The following OTOA variants were observed in gnomAD, a reference collection of about 807,000 sequenced individuals.
OTOA encodes the protein cancer/testis antigen 108.
A neutral mutation model predicts 110.8 loss-of-function variants in OTOA; 70 were observed. The ratio of observed to expected loss-of-function variants is 0.63; its 90% confidence interval spans 0.52 to 0.77. The LOEUF (loss-of-function observed/expected upper bound fraction) is 0.77. Among genes scored for constraint, OTOA ranks in the 30% least tolerant of loss-of-function variants. The pLI, the probability that OTOA is intolerant of heterozygous loss-of-function variation, is 0.00. For missense variants in OTOA, 917 were observed against 1,075.8 expected, an observed-to-expected ratio of 0.85 and a Z score of 2.06; for synonymous variants, 373 against 431.5, an observed-to-expected ratio of 0.86 and a Z score of 1.68.
intron 18 of OTOA, 62 bp from the exon 19 acceptor site, chr16:21,726,461 A>C: frequency 1.2e-6 from 2 of 1,608,002 alleles, no homozygotes; most frequent in Non-Finnish European, 1.7e-6. Context: ...GCGGACCCTG[A>C]TTTTAGGGGC....
chr16:21,723,592 T>C (rs775578917), intron 18 of OTOA, among the ~76,000 whole-genome samples: 2 of 152,206 alleles, frequency 1.3e-5, no homozygotes, highest in Non-Finnish European at 2.9e-5. Context: ...TGAAGCCAAT[T>C]ATATCAGGTT....
At chr16:21,710,725 G>A (rs957233620) in intron 13 of OTOA, among the ~76,000 whole-genome samples, 7 of 152,016 alleles carry the variant, frequency 4.6e-5, no homozygotes, top group African/African-American at 1.7e-4. Context: ...ACTTACTGCC[G>A]GGCAAGGTGG....
chr16:21,714,403 TTCTTTC>T (rs879384527), intron 13 of OTOA, among the ~76,000 whole-genome samples: 127 of 148,468 alleles, frequency 8.6e-4, no homozygotes, highest in Non-Finnish European at 1.6e-3. Flanking sequence ...TTCTTTCTCT[TTCTTTC>T]TCTTTCTTTC....
At chr16:21,707,947 C>T (rs1240116378) in intron 12 of OTOA, among the ~76,000 whole-genome samples, 1 of 151,728 alleles carries the variant, frequency 6.6e-6, no homozygotes, top group East Asian at 2.0e-4. Context: ...GTGCACGCCA[C>T]CACGCCCAGC....
intron 28 of OTOA, among the ~76,000 whole-genome samples, chr16:21,758,010 T>C (rs149103930): frequency 4.0e-4 from 61 of 152,184 alleles, no homozygotes; most frequent in Non-Finnish European, 6.8e-4. Context: ...GTGACCAAGA[T>C]AGATAAGGCC....
At chr16:21,664,955 C>G (rs1343122260) in intron 1 of OTOA, among the ~76,000 whole-genome samples, 1 of 151,392 alleles carries the variant, frequency 6.6e-6, no homozygotes, top group African/African-American at 2.4e-5. Context: ...CTGGGCGACA[C>G]AGGGAGACTC....
intron 10 of OTOA, among the ~76,000 whole-genome samples, chr16:21,700,130 A>G (rs1279262438): frequency 1.3e-5 from 2 of 152,066 alleles, no homozygotes; most frequent in Non-Finnish European, 2.9e-5. Flanking sequence ...TCTGAATAGT[A>G]TATTTAATAA....
At chr16:21,714,300 T>C (rs8056780) in intron 13 of OTOA, among the ~76,000 whole-genome samples, 36 of 100,400 alleles carry the variant, frequency 3.6e-4, no homozygotes, top group Admixed American at 8.7e-4. Flanking sequence ...TCTTTTCCTT[T>C]CTTCCTTCCT....
chr16:21,731,518 C>T (rs1325963915), intron 21 of OTOA, among the ~76,000 whole-genome samples: 1 of 152,200 alleles, frequency 6.6e-6, no homozygotes, highest in Non-Finnish European at 1.5e-5. Context: ...TGGGGCAGCC[C>T]TGCTCTAGAA....
chr16:21,715,497 A>G (rs1813769805), intron 14 of OTOA, among the ~76,000 whole-genome samples: 1 of 140,550 alleles, frequency 7.1e-6, no homozygotes, highest in African/African-American at 2.7e-5. Context: ...GTACAGTGGT[A>G]TGATCATAGC....
At chr16:21,714,590 C>G (rs1315268253) in intron 13 of OTOA, among the ~76,000 whole-genome samples, 1 of 151,780 alleles carries the variant, frequency 6.6e-6, no homozygotes, top group Non-Finnish European at 1.5e-5. Flanking sequence ...CAGCTCACTG[C>G]AACCTCTGCC....
chr16:21,696,386 G>C (rs1018045947), intron 9 of OTOA, among the ~76,000 whole-genome samples: 1 of 152,062 alleles, frequency 6.6e-6, no homozygotes, highest in African/African-American at 2.4e-5. Context: ...TGCAGAAGGG[G>C]TAAGGAAAAG....
At chr16:21,670,204 C>G (rs1487423305) in intron 1 of OTOA, among the ~76,000 whole-genome samples, 2 of 151,724 alleles carry the variant, frequency 1.3e-5, no homozygotes, top group African/African-American at 4.8e-5. Flanking sequence ...CCACCTCCCT[C>G]CAAGTAAAAG....
chr16:21,707,572 C>T (rs977122823), intron 12 of OTOA, among the ~76,000 whole-genome samples: 2 of 148,180 alleles, frequency 1.3e-5, no homozygotes, highest in Non-Finnish European at 3.0e-5. Context: ...CTCCCTCCCT[C>T]CCTACCTTCC....
intron 1 of OTOA, among the ~76,000 whole-genome samples, chr16:21,664,518 A>G (rs1327416968): frequency 6.6e-6 from 1 of 152,192 alleles, no homozygotes; most frequent in Admixed American, 6.5e-5. Context: ...TAACTATCAC[A>G]ATGATTATTT....
At chr16:21,688,869 G>A (rs1048356220) in intron 8 of OTOA, among the ~76,000 whole-genome samples, 3 of 152,130 alleles carry the variant, frequency 2.0e-5, no homozygotes, top group Admixed American at 2.0e-4. Context: ...ACAGCACAAA[G>A]GCTCTGAGCC....
chr16:21,695,667 G>A (rs1897916867), intron 9 of OTOA, among the ~76,000 whole-genome samples: 1 of 151,348 alleles, frequency 6.6e-6, no homozygotes, highest in Non-Finnish European at 1.5e-5. Flanking sequence ...TCTTGTTTTG[G>A]CATCTGTCAT....
At chr16:21,734,834 T>TAAAC (rs761248909) in intron 21 of OTOA, among the ~76,000 whole-genome samples, 26 of 149,966 alleles carry the variant, frequency 1.7e-4, no homozygotes, top group Admixed American at 8.0e-4. Context: ...AGACTCCGTC[T>TAAAC]AAACAAACAA....
intron 10 of OTOA, among the ~76,000 whole-genome samples, chr16:21,698,542 T>C (rs1188301902): frequency 6.6e-6 from 1 of 152,158 alleles, no homozygotes; most frequent in Non-Finnish European, 1.5e-5. Context: ...ATTTTTCTTC[T>C]TCTTCTTCTT....
Sources: gnomAD v4.1 joint callset for allele counts (sites outside exome capture counted in the v4.1 genomes callset) on GRCh38, gnomAD v4.1.1 for gene constraint, MANE v1.5 for transcripts, NCBI Gene and HGNC (gene_info 2026-07-23, HGNC 2026-07-21) for gene names.